NOP14: variants seen among roughly 807,000 people sequenced by gnomAD.
NOP14 encodes the protein nucleolar protein 14.
A neutral mutation model predicts 101.6 loss-of-function variants in NOP14; 57 were observed. The ratio of observed to expected loss-of-function variants is 0.56; its 90% CI spans 0.45 to 0.70. The LOEUF is 0.70. Ranked by LOEUF, NOP14 falls within the 30% of genes least tolerant of loss-of-function variation. The pLI, the probability that NOP14 is intolerant of heterozygous loss-of-function variation, is 0.00. For missense variants in NOP14, 1,134 were observed against 1,075.5 expected, an observed-to-expected ratio of 1.05 and a Z score of -0.76; for synonymous variants, 428 against 424.0, an observed-to-expected ratio of 1.01 and a Z score of -0.12.
chr4:2,947,547 G>A lies in NOP14; in HGVS notation c.1478C>T (p.Thr493Ile). Residue 493 changes from threonine to isoleucine, a missense_variant, in exon 10 of 18, where the codon ACA (threonine) becomes ATA (isoleucine). By Grantham distance (89) the Thr-to-Ile change is moderately conservative. Transcript: ENST00000416614. ...DLATDDPPDL[T>I]VIDKLVVHLY... The stretch of plus-strand genomic sequence containing the variant: ...TTACACAACCAACTTATCAATGACT[G>A]TGAGGTCTGGTGGGTCATCTGTAGC... 3 of 1,613,568 alleles carry A rather than the reference G, an allele frequency of 1.9e-6. No homozygotes were observed. Among genetic ancestry groups the A allele is most frequent in the Non-Finnish European group, 2.5e-6 (3 of 1,179,468 alleles).
chr4:2,946,641 G>T, intron 10 of NOP14, 94 bp from the exon 11 acceptor site: 2 of 1,119,016 alleles, frequency 1.8e-6, no homozygotes, highest in Non-Finnish European at 2.6e-6. Context: ...GTCACCTGTT[G>T]ACTGAGCAAG....
chr4:2,963,212 A>C lies in NOP14; in HGVS notation c.108T>G (p.Val36=). ...KANSNPFEVK[V]NRQKFQILGR... is the part of the protein sequence containing the mutation. Reference sequence around the variant, plus strand: ...CCAGGATCTGGAACTTCTGCCTGTTAACTTTCACCTCGAACGGATTGGAGT... The same window carrying C: ...CCAGGATCTGGAACTTCTGCCTGTTCACTTTCACCTCGAACGGATTGGAGT... Residue 36 remains valine (V), a synonymous_variant, in exon 1 of 18, where the codon GTT becomes GTG. Coordinates refer to ENST00000416614, the MANE Select transcript of NOP14 (RefSeq NM_001291978.2). 1 of 1,589,342 alleles carries C rather than the reference A, an allele frequency of 6.3e-7. No individual in the cohort carries two copies. Among genetic ancestry groups the C allele is most frequent in the Non-Finnish European group, 8.5e-7 (1 of 1,170,064 alleles).
chr4:2,939,179 C>T lies in NOP14; in HGVS notation c.2474+9G>A. On this transcript the variant is annotated intron_variant, in intron 17 of 17. Transcript: ENST00000416614. ...CCACAATCGTGTCGCACACACACGTCCCCCTCACCGTTCCATGATTTCTGA... is the reference window on the plus strand; with the variant it reads ...CCACAATCGTGTCGCACACACACGTTCCCCTCACCGTTCCATGATTTCTGA... 1.2e-6 allele frequency: 2 copies of T among 1,613,822 alleles called. No individual in the cohort carries two copies. The highest frequency in any genetic ancestry group is 1.7e-6 in the Non-Finnish European group (2 of 1,179,992).
Position 2,956,797 on chromosome 4 carries a change from T to G in NOP14, c.345A>C (p.Lys115Asn). The change falls in exon 3 of 18, where the codon AAA (lysine) becomes AAC (asparagine). Residue 115 changes from lysine (K) to asparagine (N), a missense_variant. Lys to Asn is a moderately conservative substitution (Grantham distance 94). Coordinates refer to ENST00000416614, the MANE Select transcript of NOP14 (RefSeq NM_001291978.2). ...CTTCATTTAGATTGTAGATGCTTTTTTTCTCATGATGTCGCTGACAGAAGA... is the reference window on the plus strand; with the variant it reads ...CTTCATTTAGATTGTAGATGCTTTTGTTCTCATGATGTCGCTGACAGAAGA... ...FALEQQRHHE[K>N]KSIYNLNEDE... 6.2e-7 allele frequency: 1 copy of G among 1,603,690 alleles called. No individual in the cohort carries two copies. Among genetic ancestry groups the G allele is most frequent in the African/African-American group, 1.3e-5 (1 of 74,416 alleles).
chr4:2,946,630 A>G (rs538962216), intron 10 of NOP14, 83 bp from the exon 11 acceptor site: 1 of 1,320,362 alleles, frequency 7.6e-7, no homozygotes, highest in Admixed American at 1.8e-5. Context: ...TTTCCTATGC[A>G]GTCACCTGTT....
At position 2,949,558 on chromosome 4, in the gene NOP14, A is replaced by C. The variant is rs929960577; in HGVS notation, c.1282+376T>G. Among the ~76,000 whole-genome samples the C allele has an allele frequency of 5.3e-5, 8 of 152,256 alleles. No individual in the cohort carries two copies. The East Asian group carries it at 1.5e-3, about 29-fold the overall frequency. On this transcript the variant is annotated intron_variant, in intron 8 of 17. Transcript: ENST00000416614. ...AACAACACTGTATATTCCATCTAAA[A>C]TGTTACGTGGCCAAACAGGAGGCCC...
chr4:2,941,025 GC>G (rs1714136634), intron 15 of NOP14: 2 of 152,436 alleles, frequency 1.3e-5, no homozygotes, highest in African/African-American at 5.1e-5. Flanking sequence ...AGGATGAAAG[GC>G]ACAAGCCACA....
Position 2,954,524 on chromosome 4 carries a change from A to G in NOP14, c.512T>C (p.Leu171Pro), listed in dbSNP as rs199745286. The G allele has an allele frequency of 1.2e-4, 194 of 1,613,954 alleles. No individual in the cohort carries two copies. Among genetic ancestry groups the G allele is most frequent in the Non-Finnish European group, 1.6e-4 (185 of 1,180,016 alleles). ...TTCCTGTTGAGTCTTCTTGTGAAGG[A>G]GCCCACCGCCTCCTCCAAAGTGGGC... ...TAAHFGGGGG[L>P]LHKKTQQEGE... Residue 171 changes from leucine (L) to proline (P), a missense_variant, in exon 4 of 18, where the codon CTC becomes CCC. Physicochemically the swap from Leu to Pro is moderately conservative, Grantham distance 98 (BLOSUM62 -3). Coordinates refer to ENST00000416614, the MANE Select transcript of NOP14 (RefSeq NM_001291978.2).
chr4:2,939,883 C>A (rs1714017219), intron 15 of NOP14, among the ~76,000 whole-genome samples: 1 of 152,226 alleles, frequency 6.6e-6, no homozygotes, highest in Non-Finnish European at 1.5e-5. Context: ...AGAGGGAGGG[C>A]CGTGGGCTGG....
In NOP14 at chr4:2,941,692, G is replaced by A. The variant is rs61740573; in HGVS notation, c.2089C>T (p.Arg697Cys). 9,838 of 1,613,044 alleles carry A rather than the reference G, an allele frequency of 6.1e-3. 76 individuals carry two copies. Among genetic ancestry groups the A allele is most frequent in the Middle Eastern group, 0.029 (176 of 6,038 alleles). ...AGGGACCCGTACATGAGCACGCAGC[G>A]CTTCAGCAGGGCCAGGCCCACAGCC... ...CLAVGLALLK[R>C]CVLMYGSLPS... Residue 697 changes from arginine (R) to cysteine (C), a missense_variant, in exon 15 of 18, where the codon CGC (arginine) becomes TGC (cysteine). By Grantham distance (180) the Arg-to-Cys change is radical (BLOSUM62 -3). Coordinates refer to ENST00000416614, the MANE Select transcript of NOP14 (RefSeq NM_001291978.2).
At chr4:2,947,308 A>G in intron 10 of NOP14, 1 of 565,340 alleles carries the variant, frequency 1.8e-6, no homozygotes, top group Non-Finnish European at 3.1e-6. Flanking sequence ...TGTGGTTAAA[A>G]GTCAGTCCCA....
chr4:2,950,409 A>C (rs537433176), intron 7 of NOP14, 196 bp from the exon 8 acceptor site: 2 of 618,152 alleles, frequency 3.2e-6, no homozygotes, highest in East Asian at 5.5e-5. Flanking sequence ...GAGCCGCAGG[A>C]GCTACAGGCT....
In NOP14 at chr4:2,952,994, C is replaced by T. The variant is rs140857221; in HGVS notation, c.747+517G>A. Among the ~76,000 whole-genome samples, 165 of 152,312 alleles carry T rather than the reference C, an allele frequency of 1.1e-3. 1 individual carries two copies. Among genetic ancestry groups the T allele is most frequent in the Admixed American group, 3.7e-3 (56 of 15,298 alleles). On this transcript the variant is annotated intron_variant, in intron 5 of 17. Coordinates refer to ENST00000416614, the MANE Select transcript of NOP14 (RefSeq NM_001291978.2). The stretch of plus-strand genomic sequence containing the variant: ...GGCATTACGCCCTAAACGTGGGAAA[C>T]TAAGTAAAGTAACGGTAACATCAAG...
At chr4:2,945,073 T>C in intron 12 of NOP14, 55 bp downstream of exon 12, 3 of 1,293,140 alleles carry the variant, frequency 2.3e-6, no homozygotes, top group Non-Finnish European at 3.3e-6. Context: ...GGGCTGTGGC[T>C]CCGGCCACCC....
At chr4:2,954,645 T>G in intron 3 of NOP14, 82 bp from the exon 4 acceptor site, 1 of 1,493,368 alleles carries the variant, frequency 6.7e-7, no homozygotes, top group South Asian at 1.3e-5. Flanking sequence ...TGCCAGTGCT[T>G]CCCCCATAGT....
At chr4:2,959,537 G>A (rs1159848253) in intron 1 of NOP14, among the ~76,000 whole-genome samples, 2 of 152,114 alleles carry the variant, frequency 1.3e-5, no homozygotes, top group East Asian at 1.9e-4. Flanking sequence ...AGCTTGCAGT[G>A]AGCTGAGATT....
intron 10 of NOP14, chr4:2,946,916 G>A (rs897952841): frequency 1.8e-5 from 5 of 282,022 alleles, no homozygotes; most frequent in African/African-American, 1.1e-4. Context: ...AGATGACGTG[G>A]AGAGCTCCGC....
rs1174953578 is a variant in NOP14, at chr4:2,939,636, G to A, written c.2209C>T (p.Gln737Ter). ...SHPQELQELCQSTLTEMESQK... is the reference protein window; with the variant it reads ...SHPQELQELC Reference sequence around the variant, plus strand: ...CTTTCCATTTCGGTCAGTGTGCTCTGACACAGCTCCTGAAAAACACGAAAT... The same window carrying A: ...CTTTCCATTTCGGTCAGTGTGCTCTAACACAGCTCCTGAAAAACACGAAAT... The change falls in exon 16 of 18, where the codon CAG (glutamine) becomes TAG (stop). Residue 737 changes from glutamine to a stop codon, truncating the protein, a stop_gained. Coordinates refer to ENST00000416614, the MANE Select transcript of NOP14 (RefSeq NM_001291978.2). LOFTEE classifies it high-confidence loss of function. 5 of 1,613,140 alleles carry A rather than the reference G, an allele frequency of 3.1e-6. No individual in the cohort carries two copies. Among genetic ancestry groups the A allele is most frequent in the Non-Finnish European group, 4.2e-6 (5 of 1,179,544 alleles).
rs143916827 is a variant in NOP14, at chr4:2,960,171, C to T, written c.196-2431G>A. On this transcript the variant is annotated intron_variant, in intron 1 of 17. Coordinates refer to ENST00000416614, the MANE Select transcript of NOP14 (RefSeq NM_001291978.2). ...ATTTTTAGTAGAGATGGGGTTTCAC[C>T]GTGTTGCCCAGGCTGGTTTCGAACT... Among the ~76,000 whole-genome samples, 428 of 152,132 alleles carry T rather than the reference C, an allele frequency of 2.8e-3. 1 individual carries two copies. Among genetic ancestry groups the T allele is most frequent in the Middle Eastern group, 0.017 (5 of 294 alleles).
Sources: allele counts gnomAD v4.1 joint callset (sites outside exome capture counted in the v4.1 genomes callset), GRCh38; gene constraint gnomAD v4.1.1; transcripts MANE v1.5; gene names NCBI Gene and HGNC (gene_info 2026-07-23, HGNC 2026-07-21).